The following SMAD2 variants were observed in gnomAD, a reference collection of about 807,000 sequenced individuals.
SMAD2 encodes SMAD family member 2.
SMAD2 carries 8 observed loss-of-function variants against 64.4 expected under a neutral mutation model. That is an observed-to-expected ratio of 0.12 (90% CI 0.07 to 0.22). The LOEUF (loss-of-function observed/expected upper bound fraction) is 0.22. Among genes scored for constraint, SMAD2 ranks in the 10% least tolerant of loss-of-function variants. The probability of loss-of-function intolerance (pLI) is 1.00; values close to 1 mark genes in which losing one functional copy is unlikely to be tolerated. For synonymous variants in SMAD2, 203 were observed against 195.8 expected (o/e 1.04, Z -0.31); for missense variants, 289 against 561.2 (o/e 0.51, Z 4.90).
chr18:47,849,367 T>C (rs1914854905), intron 7 of SMAD2, among the ~76,000 whole-genome samples: 1 of 151,666 alleles, frequency 6.6e-6, no homozygotes, highest in Non-Finnish European at 1.5e-5. Context: ...TAAGGAATAC[T>C]GCAAAAGAAA....
intron 8 of SMAD2, among the ~76,000 whole-genome samples, chr18:47,846,565 G>C (rs57673669): frequency 1.3e-5 from 2 of 152,040 alleles, no homozygotes; most frequent in African/African-American, 4.8e-5. Context: ...ACTGTCATAG[G>C]CTAAGTGATT....
chr18:47,913,191 G>A (rs565008488), intron 1 of SMAD2, among the ~76,000 whole-genome samples: 8 of 152,322 alleles, frequency 5.3e-5, no homozygotes, highest in Middle Eastern at 3.4e-3. Flanking sequence ...AAAGCACAGG[G>A]ATTACAGGCA....
chr18:47,920,082 G>C (rs1018255049), intron 1 of SMAD2: 1 of 152,232 alleles, frequency 6.6e-6, no homozygotes, highest in South Asian at 2.1e-4. Flanking sequence ...AGTTCCGGAG[G>C]CTGCAAGTCC....
At chr18:47,867,157 C>A (rs975327096) in intron 5 of SMAD2, 1 of 152,100 alleles carries the variant, frequency 6.6e-6, no homozygotes, top group African/African-American at 2.4e-5. Flanking sequence ...CATACTACAT[C>A]CCACCCTCTC....
chr18:47,871,283 G>A (rs1248157764), intron 2 of SMAD2, among the ~76,000 whole-genome samples: 1 of 152,144 alleles, frequency 6.6e-6, no homozygotes, highest in African/African-American at 2.4e-5. Flanking sequence ...GACAGCCAAT[G>A]TCTCAAGTAC....
chr18:47,899,936 C>A (rs1221673126), intron 1 of SMAD2, among the ~76,000 whole-genome samples: 1 of 152,104 alleles, frequency 6.6e-6, no homozygotes, highest in South Asian at 2.1e-4. Context: ...CTTCAGAGAA[C>A]AGATTCTGAA....
chr18:47,836,443 G>C lies in SMAD2; in HGVS notation c.*5384C>G, dbSNP rs1913422196. On this transcript the variant is annotated 3_prime_UTR_variant, in exon 11 of 11. Coordinates refer to ENST00000262160, the MANE Select transcript of SMAD2 (RefSeq NM_005901.6). ...CAAAAAATGGTATATTAAATGAACT[G>C]CCAAATGGCAGATTAAGAAAATTAA... The C allele has an allele frequency of 4.5e-6, 1 of 220,470 alleles. No homozygotes were observed. The highest frequency in any genetic ancestry group is 9.1e-6 in the Non-Finnish European group (1 of 110,166). 13.7% of individuals were successfully genotyped at this position (220,470 alleles called of 1,614,324 possible). A position where few individuals can be genotyped will look rare whatever the true frequency, so the allele number is the denominator to read the frequency against.
chr18:47,917,342 C>T (rs16958635), intron 1 of SMAD2, among the ~76,000 whole-genome samples: 2,630 of 152,232 alleles, frequency 0.017, 65 homozygotes, highest in African/African-American at 0.059. Flanking sequence ...CATTCCTTTG[C>T]TTTTAAACTA....
At chr18:47,848,135 C>CAA (rs771196219) in intron 8 of SMAD2, among the ~76,000 whole-genome samples, 2 of 151,558 alleles carry the variant, frequency 1.3e-5, no homozygotes, top group East Asian at 3.9e-4. Context: ...CAAAACAAAA[C>CAA]AAAAAAACAT....
At position 47,845,492 on chromosome 18, in the gene SMAD2, T is replaced by C; in HGVS notation, c.1136-8A>G. On this transcript the variant is annotated splice_region_variant and splice_polypyrimidine_tract_variant and intron_variant, in intron 9 of 10. Transcript: ENST00000262160. ...AGATCTTCAGATTACAGCCTATGATTAAAAAAGGTAAAAGAAATTGTCAAA... is the reference window on the plus strand; with the variant it reads ...AGATCTTCAGATTACAGCCTATGATCAAAAAAGGTAAAAGAAATTGTCAAA... 1.2e-6 allele frequency: 2 copies of C among 1,611,702 alleles called. No individual in the cohort carries two copies. Among genetic ancestry groups the C allele is most frequent in the South Asian group, 2.2e-5 (2 of 91,034 alleles).
Position 47,871,720 on chromosome 18 carries a change from AGG to A in SMAD2, c.237-1158_237-1157del, listed in dbSNP as rs2031944465. Among the ~76,000 whole-genome samples the A allele has an allele frequency of 1.3e-5, 2 of 152,258 alleles. 1 individual carries two copies. The highest frequency in any genetic ancestry group is 3.8e-4 in the East Asian group (2 of 5,198). ...CAGACTATAAAAGCCAGAAAAAGCCAGGTAAATTAAGGCTTAGACCTTTCCCT... is the reference window on the plus strand; with the variant it reads ...CAGACTATAAAAGCCAGAAAAAGCCATAAATTAAGGCTTAGACCTTTCCCT... On this transcript the variant is annotated intron_variant, in intron 2 of 10. Transcript: ENST00000262160.
rs973040643 is a variant in SMAD2, at chr18:47,808,958, T to C, written c.*32869A>G. On this transcript the variant is annotated 3_prime_UTR_variant, in exon 11 of 11. Coordinates refer to ENST00000262160, the MANE Select transcript of SMAD2 (RefSeq NM_005901.6). ...CACAAAGAAAAGCAGTCTCGTTGCTTCATTTCCACCTTTATTCTTTATTAC... is the reference window on the plus strand; with the variant it reads ...CACAAAGAAAAGCAGTCTCGTTGCTCCATTTCCACCTTTATTCTTTATTAC... 9 of 152,232 alleles carry C rather than the reference T, an allele frequency of 5.9e-5. No individual in the cohort carries two copies. The highest frequency in any genetic ancestry group is 1.2e-4 in the Non-Finnish European group (8 of 68,032). 9.4% of individuals were successfully genotyped at this position (152,232 alleles called of 1,614,324 possible).
At chr18:47,929,714 G>A (rs192879419) in intron 1 of SMAD2, among the ~76,000 whole-genome samples, 123 of 152,296 alleles carry the variant, frequency 8.1e-4, no homozygotes, top group Non-Finnish European at 9.7e-4. Flanking sequence ...ACATTTTAAG[G>A]ATAAGTAAAA....
chr18:47,911,193 A>T (rs1242523242), intron 1 of SMAD2, among the ~76,000 whole-genome samples: 1 of 152,054 alleles, frequency 6.6e-6, no homozygotes, highest in Non-Finnish European at 1.5e-5. Flanking sequence ...TCTACTAAAA[A>T]TACAAAAATT....
Position 47,868,474 on chromosome 18 carries a change from A to T in SMAD2, c.521-17T>A, listed in dbSNP as rs1359855389. On this transcript the variant is annotated splice_polypyrimidine_tract_variant and intron_variant, in intron 4 of 10. Transcript: ENST00000262160. The stretch of plus-strand genomic sequence containing the variant: ...GAGGCAAAACTGAAAAAGTTCAAGA[A>T]ATCCAAGTTAATGGCAAAGAGCAAA... 1 of 1,606,036 alleles carries T rather than the reference A, an allele frequency of 6.2e-7. No individual in the cohort carries two copies.
Position 47,903,876 on chromosome 18 carries a change from T to TGG in SMAD2, c.-53-7069_-53-7068dup, listed in dbSNP as rs61222491. On this transcript the variant is annotated intron_variant, in intron 1 of 10. Coordinates refer to ENST00000262160, the MANE Select transcript of SMAD2 (RefSeq NM_005901.6). ...AAACACAAAGAGGGAAAAAACAGTG[T>TGG]GGGGGGGGGGGGGACTCAGAATATC... is the stretch of plus-strand genomic sequence containing the variant. Among the ~76,000 whole-genome samples the TGG allele has an allele frequency of 5.5e-3, 272 of 49,016 alleles. 1 individual carries two copies. The highest frequency in any genetic ancestry group is 0.012 in the South Asian group (14 of 1,144). 32.2% of individuals were successfully genotyped at this position (49,016 alleles called of 152,430 possible).
rs1913829924 is a variant in SMAD2, at chr18:47,840,393, G to C, written c.*1434C>G. The C allele has an allele frequency of 4.3e-6, 1 of 232,844 alleles. No individual in the cohort carries two copies. The highest frequency in any genetic ancestry group is 8.5e-6 in the Non-Finnish European group (1 of 117,816). The allele number at this position is 232,844 out of a possible 1,614,324, so 14.4% of individuals were successfully genotyped here. A position where few individuals can be genotyped will look rare whatever the true frequency, so the allele number is the denominator to read the frequency against. On this transcript the variant is annotated 3_prime_UTR_variant, in exon 11 of 11. Transcript: ENST00000262160. Reference sequence around the variant, plus strand: ...TAATTATTTGCTGCAGAATGAACTAGCAACAGAGTTTCGGAAATCTCCTCT... The same window carrying C: ...TAATTATTTGCTGCAGAATGAACTACCAACAGAGTTTCGGAAATCTCCTCT...
rs1912435428 is a variant in SMAD2, at chr18:47,818,136, T to C, written c.*23691A>G. 1 of 152,214 alleles carries C rather than the reference T, an allele frequency of 6.6e-6. No homozygotes were observed. Among genetic ancestry groups the C allele is most frequent in the African/African-American group, 2.4e-5 (1 of 41,448 alleles). 9.4% of individuals were successfully genotyped at this position (152,214 alleles called of 1,614,324 possible). A position where few individuals can be genotyped will look rare whatever the true frequency, so the allele number is the denominator to read the frequency against. The stretch of plus-strand genomic sequence containing the variant: ...TATAGAGTTGATATGTAGAGTCTTC[T>C]AAGCTCTCTAATTTTTTTTCTGCCT... On this transcript the variant is annotated 3_prime_UTR_variant, in exon 11 of 11. Transcript: ENST00000262160.
At chr18:47,863,569 A>G (rs940296472) in intron 6 of SMAD2, among the ~76,000 whole-genome samples, 4 of 151,872 alleles carry the variant, frequency 2.6e-5, no homozygotes, top group Non-Finnish European at 5.9e-5. Flanking sequence ...TTTCTGGCTT[A>G]TTTCACTTAA....
Sources: gnomAD v4.1 joint callset for allele counts (sites outside exome capture counted in the v4.1 genomes callset) on GRCh38, gnomAD v4.1.1 for gene constraint, MANE v1.5 for transcripts, NCBI Gene and HGNC (gene_info 2026-07-23, HGNC 2026-07-21) for gene names.